Variants in SYBU observed in about 807,000 individuals in gnomAD.
SYBU encodes the protein GOLSYN A protein.
Under a neutral mutation model 35.9 loss-of-function variants are expected in SYBU, and 21 were observed. The ratio of observed to expected loss-of-function variants is 0.58; its 90% CI spans 0.41 to 0.84. The LOEUF is 0.84. SYBU is among the 40% of genes least tolerant of loss of function. SYBU has a pLI of 0.00. For synonymous variants in SYBU, 319 were observed against 324.3 expected (o/e 0.98, Z 0.18); for missense variants, 768 against 848.2 (o/e 0.91, Z 1.17).
At chr8:109,656,339 A>G (rs188683767) in intron 1 of SYBU, among the ~76,000 whole-genome samples, 167 of 152,280 alleles carry the variant, frequency 1.1e-3, no homozygotes, top group African/African-American at 3.7e-3. Context: ...ATTTTTGCAT[A>G]TATTTTTTTC....
At chr8:109,618,088 T>A (rs576734868) in intron 3 of SYBU, among the ~76,000 whole-genome samples, 2 of 152,358 alleles carry the variant, frequency 1.3e-5, no homozygotes, top group South Asian at 4.1e-4. Flanking sequence ...CTCATAAATA[T>A]GGATAGCATA....
At chr8:109,600,760 G>A (rs1217133865) in intron 3 of SYBU, among the ~76,000 whole-genome samples, 8 of 152,184 alleles carry the variant, frequency 5.3e-5, no homozygotes. Context: ...GGAGTTCACT[G>A]GCTCAGATGT....
intron 3 of SYBU, among the ~76,000 whole-genome samples, chr8:109,596,022 A>G (rs897184459): frequency 1.3e-5 from 2 of 152,210 alleles, no homozygotes; most frequent in African/African-American, 2.4e-5. Flanking sequence ...TACAGCCACA[A>G]TTCTGTCTGA....
chr8:109,672,248 G>A (rs1035516491), intron 1 of SYBU, among the ~76,000 whole-genome samples: 4 of 152,040 alleles, frequency 2.6e-5, no homozygotes, highest in African/African-American at 7.2e-5. Context: ...GCAAGATGAC[G>A]GAATAGGAAC....
At chr8:109,599,357 GT>G (rs969611737) in intron 3 of SYBU, among the ~76,000 whole-genome samples, 1 of 152,134 alleles carries the variant, frequency 6.6e-6, no homozygotes. Flanking sequence ...AATAGATAGG[GT>G]TTTTTATGGT....
At chr8:109,653,379 T>C (rs1816229150) in intron 1 of SYBU, among the ~76,000 whole-genome samples, 1 of 152,102 alleles carries the variant, frequency 6.6e-6, no homozygotes, top group Admixed American at 6.6e-5. Flanking sequence ...GATCTATATC[T>C]CCCATCTTCC....
intron 1 of SYBU, among the ~76,000 whole-genome samples, chr8:109,666,071 T>C (rs1816741400): frequency 6.6e-6 from 1 of 152,210 alleles, no homozygotes; most frequent in South Asian, 2.1e-4. Flanking sequence ...TGAGTAAATA[T>C]GGCACATTCT....
chr8:109,633,135 A>G (rs1813827350), intron 2 of SYBU, among the ~76,000 whole-genome samples: 1 of 152,206 alleles, frequency 6.6e-6, no homozygotes, highest in Non-Finnish European at 1.5e-5. Flanking sequence ...AGTTTTTGTT[A>G]CTTCTGAATT....
At chr8:109,631,910 C>T (rs1813666156) in intron 2 of SYBU, among the ~76,000 whole-genome samples, 1 of 151,720 alleles carries the variant, frequency 6.6e-6, no homozygotes, top group South Asian at 2.1e-4. Flanking sequence ...GTTTCTAGGC[C>T]ATGCCTTTTT....
intron 1 of SYBU, among the ~76,000 whole-genome samples, chr8:109,670,000 T>A (rs1816918308): frequency 6.6e-6 from 1 of 152,222 alleles, no homozygotes; most frequent in Non-Finnish European, 1.5e-5. Context: ...AACAGAATTA[T>A]GAGCAGAACT....
intron 1 of SYBU, among the ~76,000 whole-genome samples, chr8:109,673,790 AC>A (rs1344537186): frequency 1.3e-5 from 2 of 152,174 alleles, no homozygotes; most frequent in Non-Finnish European, 2.9e-5. Context: ...CCTTGAAAAA[AC>A]GTTAGAGGAA....
Position 109,644,567 on chromosome 8 carries a change from C to T in SYBU, c.24+69G>A, listed in dbSNP as rs1815375562. 9.9e-6 allele frequency: 15 copies of T among 1,509,496 alleles called. No individual in the cohort carries two copies. In the South Asian group the frequency reaches 1.3e-4, roughly 13 times the overall value. 93.5% of individuals were successfully genotyped at this position (1,509,496 alleles called of 1,614,324 possible). On this transcript the variant is annotated intron_variant, in intron 1 of 6. Transcript: ENST00000276646. Reference sequence around the variant, plus strand: ...AATGTCACCCCTCCAGCTCTCATCCCGCCGCTTCTCGCCCCGCAGTGCCCG... The same window carrying T: ...AATGTCACCCCTCCAGCTCTCATCCTGCCGCTTCTCGCCCCGCAGTGCCCG...
intron 3 of SYBU, among the ~76,000 whole-genome samples, chr8:109,597,251 A>C (rs998516524): frequency 1.3e-5 from 2 of 152,200 alleles, no homozygotes; most frequent in African/African-American, 4.8e-5. Flanking sequence ...CTTGTCCCAA[A>C]GTGGGGAGGA....
In SYBU at chr8:109,581,428, A is replaced by G. The variant is rs58512228; in HGVS notation, c.531-1426T>C. On this transcript the variant is annotated intron_variant, in intron 4 of 6. Coordinates refer to ENST00000276646, the MANE Select transcript of SYBU (RefSeq NM_001099754.2). ...AGAATGCATGTGAGTACATTCCACA[A>G]GCTATTAAGGGTAACTCAACTGTAG... Among the ~76,000 whole-genome samples, 262 of 152,306 alleles carry G rather than the reference A, an allele frequency of 1.7e-3. 1 individual carries two copies. Among genetic ancestry groups the G allele is most frequent in the African/African-American group, 6.0e-3 (251 of 41,570 alleles).
intron 3 of SYBU, among the ~76,000 whole-genome samples, chr8:109,594,432 C>A (rs1824631348): frequency 6.6e-6 from 1 of 152,172 alleles, no homozygotes; most frequent in South Asian, 2.1e-4. Flanking sequence ...GAATAAAACA[C>A]CCACTTACTG....
intron 1 of SYBU, chr8:109,643,153 A>G: frequency 1.1e-6 from 1 of 913,428 alleles, no homozygotes; most frequent in East Asian, 5.5e-5. Context: ...TGTGGCACAC[A>G]CACACACACA....
At chr8:109,613,159 C>G (rs1285497565) in intron 3 of SYBU, among the ~76,000 whole-genome samples, 1 of 152,126 alleles carries the variant, frequency 6.6e-6, no homozygotes, top group Non-Finnish European at 1.5e-5. Context: ...AGCAACTATT[C>G]CTCTCCTTTT....
chr8:109,635,987 G>A (rs969122797), intron 2 of SYBU, among the ~76,000 whole-genome samples: 2 of 152,192 alleles, frequency 1.3e-5, no homozygotes, highest in East Asian at 3.9e-4. Flanking sequence ...AATATGTTTC[G>A]TGATGGCACA....
chr8:109,609,031 T>C (rs913872729), intron 3 of SYBU, among the ~76,000 whole-genome samples: 37 of 152,162 alleles, frequency 2.4e-4, no homozygotes, highest in Non-Finnish European at 1.0e-4. Flanking sequence ...AAAGAGAGAA[T>C]ATTTCCTTAT....
Sources: gnomAD v4.1 joint callset for allele counts (sites outside exome capture counted in the v4.1 genomes callset) on GRCh38, gnomAD v4.1.1 for gene constraint, MANE v1.5 for transcripts, NCBI Gene and HGNC (gene_info 2026-07-23, HGNC 2026-07-21) for gene names.